SERAC1: variants seen among roughly 807,000 people sequenced by gnomAD.
The protein encoded by SERAC1 is serine active site containing 1, also known as protein SERAC1.
Under a neutral mutation model 85.7 loss-of-function variants are expected in SERAC1, and 36 were observed. The ratio of observed to expected loss-of-function variants is 0.42; its 90% CI spans 0.32 to 0.55. The LOEUF (loss-of-function observed/expected upper bound fraction) is 0.55, where lower values mean the gene tolerates loss of function less well. SERAC1 is among the 20% of genes least tolerant of loss of function. The pLI, the probability that SERAC1 is intolerant of heterozygous loss-of-function variation, is 0.11. For missense variants in SERAC1, 629 were observed against 796.2 expected, an observed-to-expected ratio of 0.79 and a Z score of 2.53; for synonymous variants, 242 against 265.3, an observed-to-expected ratio of 0.91 and a Z score of 0.85.
At chr6:158,147,527 G>A (rs1321900658) in intron 5 of SERAC1, among the ~76,000 whole-genome samples, 11 of 151,058 alleles carry the variant, frequency 7.3e-5, no homozygotes, top group South Asian at 2.1e-4. Context: ...TTGGGAGGCC[G>A]AGGCAGGCGG....
At chr6:158,150,076 G>T (rs759220205) in intron 4 of SERAC1, among the ~76,000 whole-genome samples, 1 of 152,194 alleles carries the variant, frequency 6.6e-6, no homozygotes, top group Non-Finnish European at 1.5e-5. Context: ...TATATCTCAT[G>T]AGTTTGGTTT....
chr6:158,144,398 A>G lies in SERAC1; in HGVS notation c.510T>C (p.Ala170=). ...HWHDYQYRII[A]QACDPKTLIG... is the part of the protein sequence containing the mutation. ...TAAGAGTTTTCGGATCACAGGCTTGAGCAATTATCCTATACTGGTAATCTA... is the reference window on the plus strand; with the variant it reads ...TAAGAGTTTTCGGATCACAGGCTTGGGCAATTATCCTATACTGGTAATCTA... Residue 170 remains alanine, a synonymous_variant, in exon 7 of 17, where the codon GCT becomes GCC. Transcript: ENST00000647468. 1.2e-6 allele frequency: 2 copies of G among 1,612,522 alleles called. No individual in the cohort carries two copies.
intron 8 of SERAC1, among the ~76,000 whole-genome samples, chr6:158,138,051 TG>T (rs1784834384): frequency 2.0e-5 from 3 of 152,140 alleles, no homozygotes; most frequent in Admixed American, 6.5e-5. Flanking sequence ...ATGTTAACTA[TG>T]AACACACACA....
At chr6:158,148,768 A>T (rs1475896633) in intron 5 of SERAC1, 97 bp downstream of exon 5, 1 of 867,976 alleles carries the variant, frequency 1.2e-6, no homozygotes, top group African/African-American at 1.7e-5. Context: ...AGCTATAAAA[A>T]ATATTAGTAT....
At chr6:158,137,272 TA>T (rs796991276) in intron 8 of SERAC1, among the ~76,000 whole-genome samples, 3 of 151,262 alleles carry the variant, frequency 2.0e-5, no homozygotes, top group African/African-American at 4.9e-5. Flanking sequence ...ACCTCTTGTT[TA>T]AAAAAAAAGA....
chr6:158,119,289 T>C lies in SERAC1; in HGVS notation c.1167-119A>G, dbSNP rs1340793541. ...CAGGCTTATGTGACATAAAACTGAATTAAAGCAAGCTCTATAAGCACAGGT... is the reference window on the plus strand; with the variant it reads ...CAGGCTTATGTGACATAAAACTGAACTAAAGCAAGCTCTATAAGCACAGGT... On this transcript the variant is annotated intron_variant, in intron 11 of 16. Transcript: ENST00000647468. The surrounding 1 kb of genome is among the most constrained non-coding windows in gnomAD (Gnocchi z 4.5). 3 of 1,225,374 alleles carry C rather than the reference T, an allele frequency of 2.4e-6. No homozygotes were observed. The highest frequency in any genetic ancestry group is 1.1e-6 in the Non-Finnish European group (1 of 906,796). 75.9% of individuals were successfully genotyped at this position (1,225,374 alleles called of 1,614,324 possible). A position where few individuals can be genotyped will look rare whatever the true frequency, so the allele number is the denominator to read the frequency against.
At chr6:158,157,517 T>C (rs1381673881) in intron 2 of SERAC1, among the ~76,000 whole-genome samples, 2 of 152,226 alleles carry the variant, frequency 1.3e-5, no homozygotes, top group Non-Finnish European at 2.9e-5. Context: ...ATTGTATTCT[T>C]AGGGCCTAGA....
chr6:158,126,201 G>A (rs1784536892), intron 10 of SERAC1, among the ~76,000 whole-genome samples: 1 of 152,116 alleles, frequency 6.6e-6, no homozygotes, highest in Non-Finnish European at 1.5e-5. Context: ...CACCCCAGGA[G>A]CAATATGCAC....
At chr6:158,140,587 A>C (rs961633284) in intron 8 of SERAC1, among the ~76,000 whole-genome samples, 2 of 152,146 alleles carry the variant, frequency 1.3e-5, no homozygotes, top group East Asian at 3.8e-4. Flanking sequence ...TCTGAATTCC[A>C]TGAGTCGTCC....
intron 1 of SERAC1, among the ~76,000 whole-genome samples, chr6:158,162,606 A>C (rs1406042582): frequency 6.6e-6 from 1 of 152,180 alleles, no homozygotes; most frequent in African/African-American, 2.4e-5. Flanking sequence ...AGATTTTTAA[A>C]GTCTAACCTT....
At chr6:158,140,735 C>A (rs771610642) in intron 8 of SERAC1, among the ~76,000 whole-genome samples, 1 of 152,096 alleles carries the variant, frequency 6.6e-6, no homozygotes, top group Non-Finnish European at 1.5e-5. Context: ...GAGCCCTTAA[C>A]CTATGGGCTC....
intron 8 of SERAC1, among the ~76,000 whole-genome samples, chr6:158,137,749 C>G (rs1411803599): frequency 6.6e-6 from 1 of 151,990 alleles, no homozygotes; most frequent in African/African-American, 2.4e-5. Context: ...CATAGTGGTA[C>G]ACGCCTGTAG....
intron 10 of SERAC1, among the ~76,000 whole-genome samples, chr6:158,127,372 G>A (rs1483799168): frequency 1.7e-5 from 1 of 57,848 alleles, no homozygotes; most frequent in African/African-American, 6.6e-5. Context: ...GGAGGGAGGT[G>A]GGGGGGTCAG....
chr6:158,162,644 T>C (rs1785512965), intron 1 of SERAC1, among the ~76,000 whole-genome samples: 1 of 152,236 alleles, frequency 6.6e-6, no homozygotes, highest in Non-Finnish European at 1.5e-5. Flanking sequence ...CATTTTTTTC[T>C]ATCTGTCTGA....
intron 1 of SERAC1, chr6:158,166,029 T>C (rs1772359078): frequency 6.6e-6 from 1 of 152,210 alleles, no homozygotes; most frequent in Admixed American, 6.5e-5. Flanking sequence ...ACATGATAAA[T>C]CTTATGTGTA....
At chr6:158,142,886 A>G (rs910110468) in intron 8 of SERAC1, among the ~76,000 whole-genome samples, 170 bp downstream of exon 8, 1 of 152,156 alleles carries the variant, frequency 6.6e-6, no homozygotes, top group African/African-American at 2.4e-5. Context: ...ACACTCTGTG[A>G]CTGTTCATTT....
intron 1 of SERAC1, among the ~76,000 whole-genome samples, chr6:158,167,684 G>A (rs1474934495): frequency 6.6e-6 from 1 of 152,168 alleles, no homozygotes; most frequent in African/African-American, 2.4e-5. Context: ...GGGAAAGGGA[G>A]TAACTTTAGA....
chr6:158,146,777 A>G lies in SERAC1; in HGVS notation c.487+5T>C, dbSNP rs748641688. 8.7e-6 allele frequency: 14 copies of G among 1,612,042 alleles called. No individual in the cohort carries two copies. In the Middle Eastern group the frequency reaches 1.3e-3, roughly 152 times the overall value. On this transcript the variant is annotated splice_donor_5th_base_variant and intron_variant, in intron 6 of 16. Coordinates refer to ENST00000647468, the MANE Select transcript of SERAC1 (RefSeq NM_032861.4). ...GCATGCCACCTGTTCAGGTAGTCTC[A>G]TTACCATGCCAGTGATGGGTCTCCG...
chr6:158,166,446 TTTC>T (rs35332867), intron 1 of SERAC1, among the ~76,000 whole-genome samples: 60,077 of 151,790 alleles, frequency 0.4, 12,041 homozygotes, highest in Middle Eastern at 0.5. Context: ...AGACCTTATT[TTTC>T]TTCTTCTTCA....
Sources: allele counts gnomAD v4.1 joint callset (sites outside exome capture counted in the v4.1 genomes callset), GRCh38; gene constraint gnomAD v4.1.1; non-coding constraint Gnocchi (gnomAD v3.1); transcripts MANE v1.5; gene names NCBI Gene and HGNC (gene_info 2026-07-23, HGNC 2026-07-21).